KCNH5: variants seen among roughly 807,000 people sequenced by gnomAD.
KCNH5 encodes voltage-gated delayed rectifier potassium channel KCNH5.
In KCNH5, 46 loss-of-function variants were observed where a neutral mutation model predicts 96.1. The observed-to-expected ratio is 0.48, with a 90% confidence interval of 0.38 to 0.61. The LOEUF (loss-of-function observed/expected upper bound fraction) is 0.61, where lower values mean the gene tolerates loss of function less well. Ranked by LOEUF, KCNH5 falls within the 20% of genes least tolerant of loss-of-function variation. KCNH5 has a pLI of 0.00. For missense variants in KCNH5, 907 were observed against 1,225.8 expected, an observed-to-expected ratio of 0.74 and a Z score of 3.88; for synonymous variants, 439 against 449.8, an observed-to-expected ratio of 0.98 and a Z score of 0.30.
At chr14:63,023,000 T>TTGG (rs1891457438) in intron 1 of KCNH5, among the ~76,000 whole-genome samples, 1 of 151,920 alleles carries the variant, frequency 6.6e-6, no homozygotes, top group Non-Finnish European at 1.5e-5. Flanking sequence ...GGTCAGGAGA[T>TTGG]CGAGGCCAGC....
At chr14:62,761,198 T>C (rs551134196) in intron 10 of KCNH5, among the ~76,000 whole-genome samples, 171 of 151,876 alleles carry the variant, frequency 1.1e-3, no homozygotes, top group Middle Eastern at 3.4e-3. Flanking sequence ...CTACTAAAAA[T>C]ACAAAAATTA....
chr14:62,718,940 G>A (rs1402859272), intron 10 of KCNH5, among the ~76,000 whole-genome samples: 2 of 152,194 alleles, frequency 1.3e-5, no homozygotes, highest in African/African-American at 4.8e-5. Flanking sequence ...TGCTAAGTGA[G>A]AGGAACCTGA....
chr14:62,821,631 T>C (rs1412650350), intron 8 of KCNH5, among the ~76,000 whole-genome samples: 1 of 152,112 alleles, frequency 6.6e-6, no homozygotes, highest in Non-Finnish European at 1.5e-5. Context: ...ACCAATGTCT[T>C]CAGAGCTGAA....
intron 10 of KCNH5, among the ~76,000 whole-genome samples, chr14:62,761,356 C>CAAA (rs5809168): frequency 4.7e-5 from 6 of 127,434 alleles, no homozygotes; most frequent in African/African-American, 1.2e-4. Context: ...CTCACTCTCT[C>CAAA]AAAAAAAAAA....
chr14:62,812,627 T>G (rs1886896069), intron 8 of KCNH5, among the ~76,000 whole-genome samples: 1 of 152,028 alleles, frequency 6.6e-6, no homozygotes, highest in Admixed American at 6.6e-5. Flanking sequence ...AGGCAATAAA[T>G]TAAACCAAAA....
At chr14:63,043,670 G>A (rs1283807577) in intron 1 of KCNH5, among the ~76,000 whole-genome samples, 1 of 152,124 alleles carries the variant, frequency 6.6e-6, no homozygotes, top group Non-Finnish European at 1.5e-5. Context: ...CCAAAACGAA[G>A]AAATAAAGTT....
chr14:62,975,368 A>C (rs1203284637), intron 6 of KCNH5, among the ~76,000 whole-genome samples: 1 of 152,202 alleles, frequency 6.6e-6, no homozygotes, highest in African/African-American at 2.4e-5. Flanking sequence ...TAAAGAGCCA[A>C]TCTATAGGAA....
At chr14:62,817,736 A>C (rs1271846252) in intron 8 of KCNH5, among the ~76,000 whole-genome samples, 1 of 131,442 alleles carries the variant, frequency 7.6e-6, no homozygotes, top group Non-Finnish European at 1.6e-5. Flanking sequence ...ATTCTATATA[A>C]TAATATATTC....
chr14:62,839,665 C>T lies in KCNH5; in HGVS notation c.1569+9988G>A, dbSNP rs189689059. On this transcript the variant is annotated intron_variant, in intron 8 of 10. Transcript: ENST00000322893. ...TCATGACTATTCAGTGGAAATCATT[C>T]TATTATTTACATGGAACACACAGAC... Among the ~76,000 whole-genome samples the T allele has an allele frequency of 3.3e-4, 50 of 152,158 alleles. No individual in the cohort carries two copies. The East Asian group carries it at 8.1e-3, about 25-fold the overall frequency.
chr14:62,877,070 G>A (rs191396470), intron 7 of KCNH5, among the ~76,000 whole-genome samples: 54 of 152,248 alleles, frequency 3.5e-4, no homozygotes, highest in Admixed American at 2.5e-3. Context: ...TGAGGGCTCC[G>A]TTCTGTTCCA....
chr14:62,781,478 G>A (rs765294399), intron 9 of KCNH5, among the ~76,000 whole-genome samples: 3 of 152,172 alleles, frequency 2.0e-5, no homozygotes, highest in Non-Finnish European at 4.4e-5. Context: ...GCCTGGGAGC[G>A]CTATGGGAGA....
intron 1 of KCNH5, among the ~76,000 whole-genome samples, chr14:63,018,028 A>C (rs1891358055): frequency 6.6e-6 from 1 of 152,028 alleles, no homozygotes; most frequent in Non-Finnish European, 1.5e-5. Flanking sequence ...GTATGTTGAA[A>C]ACAAATATGT....
chr14:62,919,645 A>T (rs948683350), intron 7 of KCNH5, among the ~76,000 whole-genome samples: 5 of 152,134 alleles, frequency 3.3e-5, no homozygotes, highest in Non-Finnish European at 5.9e-5. Flanking sequence ...GAAATGAATC[A>T]ATGTCTTTAA....
At chr14:62,782,112 C>A (rs1405569880) in intron 9 of KCNH5, among the ~76,000 whole-genome samples, 1 of 152,150 alleles carries the variant, frequency 6.6e-6, no homozygotes, top group Admixed American at 6.6e-5. Flanking sequence ...CTTGTCTCAC[C>A]CTTCAGGCCA....
intron 8 of KCNH5, among the ~76,000 whole-genome samples, chr14:62,826,458 AT>A (rs1264991154): frequency 5.5e-5 from 8 of 145,534 alleles, no homozygotes; most frequent in Middle Eastern, 3.4e-3. Flanking sequence ...ATTTTCAAGG[AT>A]TTTCCTTTGT....
chr14:62,960,545 T>C (rs1394562737), intron 6 of KCNH5, among the ~76,000 whole-genome samples: 1 of 152,152 alleles, frequency 6.6e-6, no homozygotes, highest in Non-Finnish European at 1.5e-5. Context: ...ATCAGGCAAC[T>C]GGATAGAAAC....
At chr14:62,850,392 T>G (rs1037446921) in intron 7 of KCNH5, among the ~76,000 whole-genome samples, 1 of 152,202 alleles carries the variant, frequency 6.6e-6, no homozygotes, top group African/African-American at 2.4e-5. Flanking sequence ...ATGTGCTTCA[T>G]GTTTAGAAGG....
At chr14:62,724,367 G>A (rs1884879222) in intron 10 of KCNH5, among the ~76,000 whole-genome samples, 1 of 152,090 alleles carries the variant, frequency 6.6e-6, no homozygotes, top group Non-Finnish European at 1.5e-5. Flanking sequence ...CTTCTTTTCA[G>A]CTCTATCTAT....
chr14:62,817,817 TTA>T (rs1304023679), intron 8 of KCNH5, among the ~76,000 whole-genome samples: 2 of 135,068 alleles, frequency 1.5e-5, no homozygotes, highest in Non-Finnish European at 3.2e-5. Flanking sequence ...TAGGAATATA[TTA>T]TATATATTAT....
Sources: gnomAD v4.1 joint callset for allele counts (sites outside exome capture counted in the v4.1 genomes callset) on GRCh38, gnomAD v4.1.1 for gene constraint, MANE v1.5 for transcripts, NCBI Gene and HGNC (gene_info 2026-07-23, HGNC 2026-07-21) for gene names.